The following MOK variants were observed in gnomAD, a reference collection of about 807,000 sequenced individuals.
MOK encodes MAPK/MAK/MRK overlapping kinase.
In MOK, 59 loss-of-function variants were observed where a neutral mutation model predicts 54.2. The ratio of observed to expected loss-of-function variants is 1.09; its 90% CI spans 0.88 to 1.35. MOK has a LOEUF of 1.35. Ranked by LOEUF, MOK falls within the 40% of genes most tolerant of loss-of-function variation. The pLI is 0.00. For missense variants in MOK, 517 were observed against 526.2 expected (o/e 0.98, Z 0.17); for synonymous variants, 210 against 202.7 (o/e 1.04, Z -0.31).
At chr14:102,295,966 C>CTCATGCCTGTAATCCCA (rs2071374400) in intron 1 of MOK, among the ~76,000 whole-genome samples, 1 of 152,116 alleles carries the variant, frequency 6.6e-6, no homozygotes, top group East Asian at 1.9e-4. Context: ...CAACACCTGG[C>CTCATGCCTGTAATCCCA]TAGGCATAGT....
rs111961521 is a variant in MOK at position 102,274,239 on chromosome 14, G to T, written c.123-8327C>A. The stretch of plus-strand genomic sequence containing the variant: ...CCCAAAGTGCTGGGATTACAGGTGT[G>T]AGCCACCGTACCTGCATTTTTTTTT... On this transcript the variant is annotated intron_variant, in intron 2 of 11. Transcript: ENST00000361847. Among the ~76,000 whole-genome samples, 380 of 148,142 alleles carry T rather than the reference G, an allele frequency of 2.6e-3. 2 individuals are homozygous for T. The highest frequency in any genetic ancestry group is 7.9e-3 in the African/African-American group (315 of 39,800).
intron 4 of MOK, among the ~76,000 whole-genome samples, chr14:102,255,766 G>C (rs529630594): frequency 6.6e-6 from 1 of 152,256 alleles, no homozygotes; most frequent in African/African-American, 2.4e-5. Context: ...CAATTAACGA[G>C]TTACTCAGAA....
intron 2 of MOK, among the ~76,000 whole-genome samples, chr14:102,275,893 A>G (rs1175300326): frequency 1.3e-5 from 2 of 152,210 alleles, no homozygotes; most frequent in Non-Finnish European, 2.9e-5. Context: ...AAAGGCAAAC[A>G]GCCTAATTTT....
Position 102,232,469 on chromosome 14 carries a change from C to T in MOK, c.866+66G>A. The T allele has an allele frequency of 6.5e-7, 1 of 1,537,006 alleles. No individual in the cohort carries two copies. Among genetic ancestry groups the T allele is most frequent in the South Asian group, 1.2e-5 (1 of 81,172 alleles). Reference sequence around the variant, plus strand: ...TCCAGGGGGCAGTACCTTGCCCCACCATGTGCCCATGGGTCTCATTTGCCA... The same window carrying T: ...TCCAGGGGGCAGTACCTTGCCCCACTATGTGCCCATGGGTCTCATTTGCCA... On this transcript the variant is annotated intron_variant, in intron 9 of 11. Coordinates refer to ENST00000361847, the MANE Select transcript of MOK (RefSeq NM_014226.3). This position sits in a 1 kb window ranked among gnomAD's most constrained non-coding sequence, Gnocchi z 5.1.
At chr14:102,214,672 T>G in the MOK span, 1 of 984,060 alleles carries the variant, frequency 1.0e-6, no homozygotes, top group Non-Finnish European at 1.2e-6. Context: ...ATATTTTGAG[T>G]GAAAATCAAA....
chr14:102,280,100 G>A (rs547002218), intron 2 of MOK, among the ~76,000 whole-genome samples: 12 of 151,894 alleles, frequency 7.9e-5, no homozygotes, highest in African/African-American at 2.9e-4. Context: ...GCGTGTGTGC[G>A]GTTACCTAAC....
chr14:102,215,501 C>T, the MOK span, among the ~76,000 whole-genome samples: 3 of 152,094 alleles, frequency 2.0e-5, no homozygotes, highest in South Asian at 4.1e-4. Flanking sequence ...ATGTGCTGAA[C>T]GTGCAGGTTT....
chr14:102,246,692 A>C (rs2066118383), intron 7 of MOK, among the ~76,000 whole-genome samples: 2 of 151,754 alleles, frequency 1.3e-5, no homozygotes, highest in African/African-American at 4.9e-5. Context: ...TCCCCCAGTT[A>C]GCTAGCGAGT....
chr14:102,289,251 GA>G (rs35083800), intron 1 of MOK, among the ~76,000 whole-genome samples: 4 of 142,326 alleles, frequency 2.8e-5, no homozygotes, highest in East Asian at 2.0e-4. Flanking sequence ...AATAAAATCA[GA>G]AAAAAAAAAC....
rs1445402667 is a variant in MOK, at chr14:102,240,785, T to C, written c.591-6996A>G. On this transcript the variant is annotated intron_variant, in intron 7 of 11. Transcript: ENST00000361847. The surrounding 1 kb of genome is among the most constrained non-coding windows in gnomAD (Gnocchi z 5.4). ...TGCCTGCTTTGGCTGCTCACCCACATTGCAGCCCAGGGCTGCTCACCACCC... is the reference window on the plus strand; with the variant it reads ...TGCCTGCTTTGGCTGCTCACCCACACTGCAGCCCAGGGCTGCTCACCACCC... Among the ~76,000 whole-genome samples, 1 of 152,188 alleles carries C rather than the reference T, an allele frequency of 6.6e-6. No individual in the cohort carries two copies. Among genetic ancestry groups the C allele is most frequent in the Non-Finnish European group, 1.5e-5 (1 of 68,028 alleles).
intron 1 of MOK, 126 bp from the exon 2 acceptor site, chr14:102,283,718 A>G (rs2069723250): frequency 1.7e-6 from 1 of 596,172 alleles, no homozygotes; most frequent in Non-Finnish European, 2.9e-6. Context: ...TGTTTCTCCT[A>G]TCTTTGTAAG....
intron 4 of MOK, among the ~76,000 whole-genome samples, chr14:102,254,765 G>A (rs182300645): frequency 1.3e-5 from 2 of 152,142 alleles, no homozygotes; most frequent in East Asian, 1.9e-4. Context: ...TCCTCGCTTC[G>A]AGAACCATGC....
At chr14:102,218,136 G>A in the MOK span, among the ~76,000 whole-genome samples, 6 of 152,352 alleles carry the variant, frequency 3.9e-5, no homozygotes, top group Middle Eastern at 3.4e-3. Context: ...CTGCCCGCCC[G>A]CGTGCCTGCC....
intron 4 of MOK, among the ~76,000 whole-genome samples, chr14:102,261,412 A>AC (rs2067417397): frequency 1.4e-5 from 1 of 73,482 alleles, no homozygotes; most frequent in Non-Finnish European, 2.6e-5. Flanking sequence ...AAAAAAAAAA[A>AC]AAAAAAATAT....
intron 4 of MOK, among the ~76,000 whole-genome samples, chr14:102,254,681 T>C (rs977855450): frequency 1.3e-5 from 2 of 152,128 alleles, no homozygotes; most frequent in Admixed American, 1.3e-4. Context: ...CACCCACATG[T>C]CTGATTCAGA....
chr14:102,233,460 T>C, intron 8 of MOK: 1 of 515,664 alleles, frequency 1.9e-6, no homozygotes, highest in South Asian at 2.3e-5. Context: ...AGAAAGCCTG[T>C]GACAAATCTT....
downstream of MOK, among the ~76,000 whole-genome samples, chr14:102,228,640 A>G (rs944647044): frequency 2.1e-5 from 3 of 145,976 alleles, no homozygotes; most frequent in Non-Finnish European, 4.5e-5. Context: ...TGGAGGTTGC[A>G]GTGAGCCAAG....
the MOK span, among the ~76,000 whole-genome samples, chr14:102,217,021 C>CATCT: frequency 6.6e-6 from 1 of 152,178 alleles, no homozygotes; most frequent in South Asian, 2.1e-4. Context: ...ACGAATGGAC[C>CATCT]ATCTAGAGGC....
chr14:102,298,802 C>T (rs537892380), intron 1 of MOK, among the ~76,000 whole-genome samples: 17 of 152,310 alleles, frequency 1.1e-4, no homozygotes, highest in African/African-American at 3.8e-4. Flanking sequence ...GTCCAGGCTG[C>T]TTTTATGAGC....
Sources: allele counts gnomAD v4.1 joint callset (sites outside exome capture counted in the v4.1 genomes callset), GRCh38; gene constraint gnomAD v4.1.1; non-coding constraint Gnocchi (gnomAD v3.1); transcripts MANE v1.5; gene names NCBI Gene and HGNC (gene_info 2026-07-23, HGNC 2026-07-21).